CHST15: variants seen among roughly 807,000 people sequenced by gnomAD.
CHST15 encodes carbohydrate sulfotransferase 15.
In CHST15, 30 loss-of-function variants were observed where a neutral mutation model predicts 53.6. That is an observed-to-expected ratio of 0.56 (90% CI 0.42 to 0.76). The LOEUF is 0.76. Ranked by LOEUF, CHST15 falls within the 30% of genes least tolerant of loss-of-function variation. CHST15 has a pLI of 0.00. For missense variants in CHST15, 627 were observed against 740.5 expected (o/e 0.85, Z 1.78); for synonymous variants, 296 against 289.8 (o/e 1.02, Z -0.22).
chr10:124,034,838 C>T (rs1947386532), intron 5 of CHST15, among the ~76,000 whole-genome samples: 1 of 143,590 alleles, frequency 7.0e-6, no homozygotes, highest in Non-Finnish European at 1.5e-5. Context: ...AACGGGGACC[C>T]TGGTTCTACC....
chr10:124,035,117 C>A (rs1394315538), intron 5 of CHST15, among the ~76,000 whole-genome samples: 8 of 130,132 alleles, frequency 6.1e-5, no homozygotes, highest in South Asian at 5.0e-4. Context: ...CCCGGCTCCG[C>A]CCCCTAACAG....
chr10:124,034,315 C>G (rs1400714989), intron 5 of CHST15, among the ~76,000 whole-genome samples: 1 of 152,120 alleles, frequency 6.6e-6, no homozygotes, highest in Non-Finnish European at 1.5e-5. Flanking sequence ...TTGGGGGGAC[C>G]ATGCTGTGAA....
intron 3 of CHST15, 35 bp downstream of exon 3, chr10:124,044,545 G>A (rs1397398488): frequency 4.2e-6 from 6 of 1,443,044 alleles, no homozygotes; most frequent in African/African-American, 1.5e-5. Flanking sequence ...ATGAAGGAAC[G>A]AGACCAGACA....
chr10:124,069,509 T>C (rs1479244089), intron 1 of CHST15, among the ~76,000 whole-genome samples: 1 of 151,884 alleles, frequency 6.6e-6, no homozygotes, highest in Admixed American at 6.6e-5. Context: ...AGTCTCTGAG[T>C]CATCAAGATG....
At chr10:124,063,408 C>T (rs772667997) in intron 1 of CHST15, among the ~76,000 whole-genome samples, 4 of 152,154 alleles carry the variant, frequency 2.6e-5, no homozygotes, top group Non-Finnish European at 5.9e-5. Context: ...ATTTCAGACC[C>T]TCCTTCTCCT....
intron 1 of CHST15, among the ~76,000 whole-genome samples, chr10:124,053,570 T>C (rs1040994598): frequency 6.6e-6 from 1 of 151,282 alleles, no homozygotes; most frequent in African/African-American, 2.4e-5. Context: ...CTCTACTCAC[T>C]GCAACCTCTG....
In CHST15 at chr10:124,009,410, G is replaced by T. The variant is rs1946352084; in HGVS notation, c.*739C>A. The stretch of plus-strand genomic sequence containing the variant: ...TTCTATGTTAAACATAAGTCCACAA[G>T]GACAGAATAGGAGGAGGTCAGAAAG... On this transcript the variant is annotated 3_prime_UTR_variant, in exon 8 of 8. Transcript: ENST00000435907. 1.0e-6 allele frequency: 1 copy of T among 1,001,960 alleles called. No individual in the cohort carries two copies. The highest frequency in any genetic ancestry group is 4.2e-5 in the South Asian group (1 of 24,052). The allele number at this position is 1,001,960 out of a possible 1,614,324, so 62.1% of individuals were successfully genotyped here. A position where few individuals can be genotyped will look rare whatever the true frequency, so the allele number is the denominator to read the frequency against.
chr10:124,052,793 T>C (rs1948247344), intron 1 of CHST15, among the ~76,000 whole-genome samples: 1 of 152,136 alleles, frequency 6.6e-6, no homozygotes. Context: ...CCTAGCACTT[T>C]GGGAGTCTGA....
At chr10:124,086,143 C>T (rs1436637765) in intron 1 of CHST15, among the ~76,000 whole-genome samples, 1 of 152,252 alleles carries the variant, frequency 6.6e-6, no homozygotes, top group Non-Finnish European at 1.5e-5. Context: ...CTCAATCATG[C>T]TCTGCCAACA....
chr10:124,075,688 T>C (rs1044166440), intron 1 of CHST15, among the ~76,000 whole-genome samples: 2 of 152,184 alleles, frequency 1.3e-5, no homozygotes, highest in Admixed American at 6.5e-5. Context: ...ATTTAAAACC[T>C]GAAAAGTCCG....
At chr10:124,063,508 T>G (rs1379651251) in intron 1 of CHST15, among the ~76,000 whole-genome samples, 1 of 152,118 alleles carries the variant, frequency 6.6e-6, no homozygotes, top group African/African-American at 2.4e-5. Context: ...CTCTGTAAAA[T>G]AGGTCAAACA....
intron 6 of CHST15, 93 bp from the exon 7 acceptor site, chr10:124,012,573 CAA>C: frequency 3.7e-6 from 5 of 1,367,976 alleles, no homozygotes; most frequent in East Asian, 2.4e-5. Context: ...CACTGTACCA[CAA>C]AAGAGTTATC....
chr10:124,031,571 G>A (rs1170144196), intron 5 of CHST15, among the ~76,000 whole-genome samples: 5 of 152,126 alleles, frequency 3.3e-5, no homozygotes, highest in African/African-American at 9.7e-5. Flanking sequence ...ATAACTTTAC[G>A]GGGCCACCAT....
At chr10:124,071,952 G>A (rs528271280) in intron 1 of CHST15, among the ~76,000 whole-genome samples, 2 of 152,348 alleles carry the variant, frequency 1.3e-5, no homozygotes, top group South Asian at 2.1e-4. Flanking sequence ...CTTCCTGCAC[G>A]AGGCTGCTCA....
chr10:124,086,684 CCTCT>C (rs1949439579), intron 1 of CHST15, among the ~76,000 whole-genome samples: 2 of 151,928 alleles, frequency 1.3e-5, no homozygotes, highest in Non-Finnish European at 2.9e-5. Context: ...TCCTCCTCCT[CCTCT>C]ATCTCTCCAT....
Position 124,009,718 on chromosome 10 carries a change from A to T in CHST15, c.*431T>A. Reference sequence around the variant, plus strand: ...CGAGACCCCATCTCTAGGGGGAAAAAAAGGGAACGTGAAGTGTAAGTTCCA... The same window carrying T: ...CGAGACCCCATCTCTAGGGGGAAAATAAGGGAACGTGAAGTGTAAGTTCCA... On this transcript the variant is annotated 3_prime_UTR_variant, in exon 8 of 8. Coordinates refer to ENST00000435907, the MANE Select transcript of CHST15 (RefSeq NM_001270764.2). 1 of 1,024,456 alleles carries T rather than the reference A, an allele frequency of 9.8e-7. No homozygotes were observed. Among genetic ancestry groups the T allele is most frequent in the Non-Finnish European group, 1.2e-6 (1 of 852,778 alleles). 63.5% of individuals were successfully genotyped at this position (1,024,456 alleles called of 1,614,324 possible). A position where few individuals can be genotyped will look rare whatever the true frequency, so the allele number is the denominator to read the frequency against.
At chr10:124,029,914 C>A (rs930684984) in intron 5 of CHST15, among the ~76,000 whole-genome samples, 5 of 152,204 alleles carry the variant, frequency 3.3e-5, no homozygotes, top group South Asian at 2.1e-4. Flanking sequence ...CCCAGCCCAG[C>A]GGGCACACAT....
chr10:124,007,929 C>A lies in CHST15; in HGVS notation c.*2220G>T, dbSNP rs1000190664. On this transcript the variant is annotated 3_prime_UTR_variant, in exon 8 of 8. Transcript: ENST00000435907. ...CCGCCCAGAACGGAACCTATTCTGT[C>A]AGCAAGAGCCGGGCCTCGAATGAGA... 5.2e-5 allele frequency: 64 copies of A among 1,231,966 alleles called. No individual in the cohort carries two copies. The African/African-American group carries it at 7.9e-4, about 15-fold the overall frequency. The allele number at this position is 1,231,966 out of a possible 1,614,324, so 76.3% of individuals were successfully genotyped here.
At chr10:124,021,575 C>T (rs1324124460) in intron 5 of CHST15, among the ~76,000 whole-genome samples, 163 bp from the exon 6 acceptor site, 1 of 152,196 alleles carries the variant, frequency 6.6e-6, no homozygotes, top group Non-Finnish European at 1.5e-5. Context: ...CCTCATCCCT[C>T]CGAGCTCCCG....
Sources: gnomAD v4.1 joint callset for allele counts (sites outside exome capture counted in the v4.1 genomes callset) on GRCh38, gnomAD v4.1.1 for gene constraint, MANE v1.5 for transcripts, NCBI Gene and HGNC (gene_info 2026-07-23, HGNC 2026-07-21) for gene names.